CTNNA3: variants seen among roughly 807,000 people sequenced by gnomAD.
CTNNA3 encodes catenin alpha 3.
A neutral mutation model predicts 95.7 loss-of-function variants in CTNNA3; 76 were observed. The observed-to-expected ratio is 0.79, with a 90% CI of 0.66 to 0.96. CTNNA3 has a LOEUF of 0.96. Among genes scored for constraint, CTNNA3 ranks in the 40% least tolerant of loss-of-function variants. The pLI, the probability that CTNNA3 is intolerant of heterozygous loss-of-function variation, is 0.00. For synonymous variants in CTNNA3, 431 were observed against 374.4 expected (o/e 1.15, Z -1.74); for missense variants, 1,191 against 1,089.8 (o/e 1.09, Z -1.31).
At chr10:67,295,705 G>A (rs909522152) in intron 5 of CTNNA3, among the ~76,000 whole-genome samples, 1 of 152,170 alleles carries the variant, frequency 6.6e-6, no homozygotes. Context: ...CAACATCTGG[G>A]GTTGCTGTTC....
At chr10:67,379,476 G>A (rs2132725808) in intron 5 of CTNNA3, among the ~76,000 whole-genome samples, 1 of 152,220 alleles carries the variant, frequency 6.6e-6, no homozygotes, top group African/African-American at 2.4e-5. Context: ...ACAAGAATAT[G>A]GCATATAACC....
At chr10:65,922,403 AGAGC>A (rs2077101774) in intron 17 of CTNNA3, among the ~76,000 whole-genome samples, 1 of 152,136 alleles carries the variant, frequency 6.6e-6, no homozygotes, top group Non-Finnish European at 1.5e-5. Context: ...TTTCTTTGGA[AGAGC>A]AAATAGAAGT....
At chr10:65,950,399 T>A (rs999952226) in intron 17 of CTNNA3, among the ~76,000 whole-genome samples, 2 of 147,772 alleles carry the variant, frequency 1.4e-5, no homozygotes, top group Non-Finnish European at 3.0e-5. Context: ...GCTACTTGAT[T>A]TTTTTTTTTG....
intron 9 of CTNNA3, among the ~76,000 whole-genome samples, chr10:66,671,531 A>T (rs1846660890): frequency 6.6e-6 from 1 of 152,180 alleles, no homozygotes; most frequent in African/African-American, 2.4e-5. Flanking sequence ...AAAGAATGAA[A>T]ATGGCCGATT....
At chr10:66,296,496 T>C (rs1431971143) in intron 12 of CTNNA3, among the ~76,000 whole-genome samples, 1 of 151,968 alleles carries the variant, frequency 6.6e-6, no homozygotes, top group Non-Finnish European at 1.5e-5. Context: ...CCTAAGTGTG[T>C]TTTAAAAATA....
intron 5 of CTNNA3, among the ~76,000 whole-genome samples, chr10:67,296,004 CA>C (rs1662759784): frequency 6.6e-6 from 1 of 152,060 alleles, no homozygotes; most frequent in African/African-American, 2.4e-5. Context: ...CCATAGTAGA[CA>C]CTGTAGATAT....
chr10:66,526,850 C>T (rs935285660), intron 10 of CTNNA3, among the ~76,000 whole-genome samples: 4 of 152,082 alleles, frequency 2.6e-5, no homozygotes, highest in Non-Finnish European at 4.4e-5. Context: ...AATCTCTGAT[C>T]ATATATATGA....
intron 9 of CTNNA3, among the ~76,000 whole-genome samples, chr10:66,655,603 T>C (rs1846048054): frequency 6.6e-6 from 1 of 152,084 alleles, no homozygotes; most frequent in Non-Finnish European, 1.5e-5. Flanking sequence ...ATTAAAAGTC[T>C]GGTGATAGGA....
intron 7 of CTNNA3, among the ~76,000 whole-genome samples, chr10:67,093,234 G>A (rs1372384369): frequency 6.6e-6 from 1 of 151,810 alleles, no homozygotes; most frequent in Non-Finnish European, 1.5e-5. Flanking sequence ...ATTTCCTATT[G>A]CCCTTCCCTG....
chr10:66,188,577 T>G (rs367901727), intron 13 of CTNNA3, among the ~76,000 whole-genome samples: 18,584 of 92,660 alleles, frequency 0.2, 2,109 homozygotes, highest in African/African-American at 0.37. Context: ...TGTGTGTGTG[T>G]GGGGGGAGGG....
chr10:66,386,952 G>A (rs2092898155), intron 11 of CTNNA3, among the ~76,000 whole-genome samples: 1 of 152,016 alleles, frequency 6.6e-6, no homozygotes, highest in African/African-American at 2.4e-5. Context: ...AATTCAAGAT[G>A]GATTAAAGAC....
chr10:65,913,647 TA>T lies in CTNNA3; in HGVS notation c.*6682del, dbSNP rs1435169844. ...TTGGCAAGCAATGGAACATGATTTT[TA>T]TAGTAGTTTAAAATTAATTTTATGT... On this transcript the variant is annotated 3_prime_UTR_variant, in exon 18 of 18. Transcript: ENST00000433211. 1.3e-5 allele frequency: 2 copies of T among 152,300 alleles called. No homozygotes were observed. The highest frequency in any genetic ancestry group is 2.1e-4 in the South Asian group (1 of 4,830). 9.4% of individuals were successfully genotyped at this position (152,300 alleles called of 1,614,324 possible). A position where few individuals can be genotyped will look rare whatever the true frequency, so the allele number is the denominator to read the frequency against.
Position 66,069,350 on chromosome 10 carries a change from T to C in CTNNA3, c.2117A>G (p.Lys706Arg), listed in dbSNP as rs758519231. 31 of 1,613,596 alleles carry C rather than the reference T, an allele frequency of 1.9e-5. No homozygotes were observed. The highest frequency in any genetic ancestry group is 2.4e-5 in the Non-Finnish European group (28 of 1,179,756). Residue 706 changes from lysine (K) to arginine (R), a missense_variant, in exon 15 of 18, where the codon AAG (lysine) becomes AGG (arginine). Coordinates refer to ENST00000433211, the MANE Select transcript of CTNNA3 (RefSeq NM_013266.4). The stretch of plus-strand genomic sequence containing the variant: ...CTCCATCATGATCATACACATGTTC[T>C]TGGCCAGAACAATGATGTCGTTGCT... ...DTSNDIIVLA[K>R]NMCMIMMEMT...
intron 5 of CTNNA3, among the ~76,000 whole-genome samples, chr10:67,322,040 A>G (rs1841342546): frequency 6.6e-6 from 1 of 152,152 alleles, no homozygotes; most frequent in African/African-American, 2.4e-5. Flanking sequence ...ATACACTGAC[A>G]AGGTCCTAGT....
chr10:67,654,460 G>C (rs891683311), intron 1 of CTNNA3, among the ~76,000 whole-genome samples: 10 of 151,422 alleles, frequency 6.6e-5, no homozygotes, highest in Admixed American at 1.3e-4. Flanking sequence ...AATTGCCAAA[G>C]AGTTAAGGTG....
At chr10:67,353,041 A>G (rs971703321) in intron 5 of CTNNA3, among the ~76,000 whole-genome samples, 4 of 152,000 alleles carry the variant, frequency 2.6e-5, no homozygotes, top group Non-Finnish European at 4.4e-5. Flanking sequence ...TACGTTTCCA[A>G]AATGGGAAAG....
chr10:66,276,804 T>A (rs1161071417), intron 13 of CTNNA3, among the ~76,000 whole-genome samples: 1 of 151,268 alleles, frequency 6.6e-6, no homozygotes, highest in Non-Finnish European at 1.5e-5. Flanking sequence ...TAGTAGTAGC[T>A]ATCTTCTTAT....
At chr10:67,160,731 C>T (rs577385304) in intron 7 of CTNNA3, among the ~76,000 whole-genome samples, 5 of 152,204 alleles carry the variant, frequency 3.3e-5, no homozygotes, top group South Asian at 4.1e-4. Flanking sequence ...CCACTGTGCT[C>T]GGCCTCACGG....
intron 1 of CTNNA3, among the ~76,000 whole-genome samples, chr10:67,694,709 T>C (rs1429390948): frequency 6.6e-6 from 1 of 152,034 alleles, no homozygotes; most frequent in Non-Finnish European, 1.5e-5. Flanking sequence ...AAAAGCAAGG[T>C]TCCAAATTTT....
Sources: allele counts gnomAD v4.1 joint callset (sites outside exome capture counted in the v4.1 genomes callset), GRCh38; gene constraint gnomAD v4.1.1; transcripts MANE v1.5; gene names NCBI Gene and HGNC (gene_info 2026-07-23, HGNC 2026-07-21).